The following NELL2 variants were observed in gnomAD, a reference collection of about 807,000 sequenced individuals.
NELL2 encodes protein kinase C-binding protein NELL2.
In NELL2, 41 loss-of-function variants were observed where a neutral mutation model predicts 109.6. The observed-to-expected ratio is 0.37, with a 90% CI of 0.29 to 0.49. NELL2 has a LOEUF of 0.49. Ranked by LOEUF, NELL2 falls within the 20% of genes least tolerant of loss-of-function variation. The pLI is 0.98. For missense variants in NELL2, 900 were observed against 1,008.3 expected, an observed-to-expected ratio of 0.89 and a Z score of 1.45; for synonymous variants, 355 against 344.7, an observed-to-expected ratio of 1.03 and a Z score of -0.33.
chr12:44,860,951 T>C (rs2658962), intron 2 of NELL2, among the ~76,000 whole-genome samples: 150,419 of 152,268 alleles, frequency 0.99, 74,337 homozygotes, highest in East Asian at 1. Flanking sequence ...AAATCTTAAT[T>C]AATTCAGAAG....
At chr12:44,767,221 TG>T (rs1477792344) in intron 9 of NELL2, among the ~76,000 whole-genome samples, 1 of 152,176 alleles carries the variant, frequency 6.6e-6, no homozygotes, top group Non-Finnish European at 1.5e-5. Flanking sequence ...CAACATTGTT[TG>T]TGGTAAAATA....
intron 15 of NELL2, among the ~76,000 whole-genome samples, chr12:44,578,408 A>T (rs1476393265): frequency 7.3e-6 from 1 of 136,500 alleles, no homozygotes. Flanking sequence ...AAAGAAATTG[A>T]AAGTAAAGTA....
chr12:44,766,702 T>C (rs1043733948), intron 9 of NELL2, among the ~76,000 whole-genome samples: 7 of 152,170 alleles, frequency 4.6e-5, no homozygotes, highest in African/African-American at 1.7e-4. Context: ...CTTACTTATT[T>C]CAAAGCCTTA....
intron 17 of NELL2, chr12:44,523,036 TTA>T (rs1226434781): frequency 4.0e-6 from 2 of 495,498 alleles, no homozygotes; most frequent in Non-Finnish European, 7.3e-6. Flanking sequence ...AAAACTCCAT[TTA>T]TATGAGGCTC....
At chr12:44,621,731 T>C (rs1430071889) in intron 13 of NELL2, among the ~76,000 whole-genome samples, 1 of 152,022 alleles carries the variant, frequency 6.6e-6, no homozygotes, top group Non-Finnish European at 1.5e-5. Flanking sequence ...TAGAACCTCT[T>C]TGAAATAAAA....
chr12:44,712,783 T>A (rs879902644), intron 10 of NELL2, among the ~76,000 whole-genome samples: 1 of 151,944 alleles, frequency 6.6e-6, no homozygotes, highest in Admixed American at 6.6e-5. Context: ...GAAGACTTGG[T>A]GTAACAAAAG....
At chr12:44,590,867 T>C (rs1944718134) in intron 15 of NELL2, among the ~76,000 whole-genome samples, 3 of 151,750 alleles carry the variant, frequency 2.0e-5, no homozygotes, top group African/African-American at 7.3e-5. Context: ...TTGCAAACTA[T>C]TTATCCAAGG....
At chr12:44,861,231 A>G (rs1398497953) in intron 2 of NELL2, among the ~76,000 whole-genome samples, 1 of 152,210 alleles carries the variant, frequency 6.6e-6, no homozygotes, top group Non-Finnish European at 1.5e-5. Flanking sequence ...TCTTGAGGAA[A>G]CGAAATAAAA....
At chr12:44,849,352 C>T (rs542228199) in intron 2 of NELL2, among the ~76,000 whole-genome samples, 13 of 152,124 alleles carry the variant, frequency 8.5e-5, no homozygotes, top group Admixed American at 7.9e-4. Context: ...TAAAAAGATG[C>T]AAATCTCATT....
At chr12:44,906,955 G>T (rs938339206) in intron 1 of NELL2, among the ~76,000 whole-genome samples, 1 of 151,934 alleles carries the variant, frequency 6.6e-6, no homozygotes, top group Non-Finnish European at 1.5e-5. Context: ...CATAATCCCC[G>T]TGTGTCCTGG....
intron 14 of NELL2, among the ~76,000 whole-genome samples, chr12:44,610,242 AAAAAAAAAAAAAC>A (rs1320800174): frequency 1.4e-5 from 1 of 73,138 alleles, no homozygotes; most frequent in Non-Finnish European, 2.6e-5. Flanking sequence ...ACAAGAGAGC[AAAAAAAAAAAAAC>A]AAAAAAAAAA....
intron 13 of NELL2, among the ~76,000 whole-genome samples, chr12:44,630,549 T>A (rs1055604639): frequency 2.6e-5 from 4 of 152,194 alleles, no homozygotes; most frequent in African/African-American, 7.2e-5. Flanking sequence ...GGCCACACTG[T>A]GGATCGAATT....
In NELL2 at chr12:44,508,559, G is replaced by C; in HGVS notation, c.*375C>G. On this transcript the variant is annotated 3_prime_UTR_variant, in exon 20 of 20. Coordinates refer to ENST00000429094, the MANE Select transcript of NELL2 (RefSeq NM_001145108.2). ...CTGACATTTTATTTCTTGCAGTGAGGAACCTAACTGATTCTTGAAGATTCT... is the reference window on the plus strand; with the variant it reads ...CTGACATTTTATTTCTTGCAGTGAGCAACCTAACTGATTCTTGAAGATTCT... The C allele has an allele frequency of 5.8e-6, 1 of 173,472 alleles. No homozygotes were observed. The highest frequency in any genetic ancestry group is 1.2e-5 in the Non-Finnish European group (1 of 82,000). 10.7% of individuals were successfully genotyped at this position (173,472 alleles called of 1,614,324 possible).
At chr12:44,554,186 T>G (rs1943151375) in intron 15 of NELL2, among the ~76,000 whole-genome samples, 1 of 152,172 alleles carries the variant, frequency 6.6e-6, no homozygotes, top group Admixed American at 6.5e-5. Flanking sequence ...ATTGCACATT[T>G]GAAAACTTTG....
chr12:44,779,851 A>T lies in NELL2; in HGVS notation c.507T>A (p.Asn169Lys). ...ASHLILHIDC[N>K]KIYERVVEKP... ...TAAAATGAGGACACTACACTTACTT[A>T]TTGCAGTCAATGTGTAAAATCAAAT... Residue 169 changes from asparagine (N) to lysine (K), a missense_variant and splice_region_variant, in exon 4 of 20, where the codon AAT becomes AAA. Transcript: ENST00000429094. 6.2e-7 allele frequency: 1 copy of T among 1,613,840 alleles called. No homozygotes were observed. Among genetic ancestry groups the T allele is most frequent in the Non-Finnish European group, 8.5e-7 (1 of 1,179,736 alleles).
At chr12:44,528,892 A>G (rs1331303981) in intron 16 of NELL2, among the ~76,000 whole-genome samples, 2 of 152,234 alleles carry the variant, frequency 1.3e-5, no homozygotes, top group African/African-American at 4.8e-5. Flanking sequence ...CATTCCACAT[A>G]AAGTGACAGT....
intron 15 of NELL2, among the ~76,000 whole-genome samples, chr12:44,562,107 A>G (rs1471113099): frequency 6.6e-6 from 1 of 152,228 alleles, no homozygotes; most frequent in Non-Finnish European, 1.5e-5. Context: ...AAAACTGGCT[A>G]GCCATATGCA....
Position 44,590,155 on chromosome 12 carries a change from GCTTA to G in NELL2, c.1663+17010_1663+17013del, listed in dbSNP as rs200330268. 3.5e-3 allele frequency among the ~76,000 whole-genome samples: 536 copies of G among 152,084 alleles called. 2 individuals are homozygous for G. Among genetic ancestry groups the G allele is most frequent in the East Asian group, 0.029 (150 of 5,186 alleles). On this transcript the variant is annotated intron_variant, in intron 15 of 19. Coordinates refer to ENST00000429094, the MANE Select transcript of NELL2 (RefSeq NM_001145108.2). ...GTCATTAATTATAATGCTTATAGTT[GCTTA>G]CTTATAGTTTAATTTTATATCATAT...
At chr12:44,919,049 C>A (rs1011430), upstream of NELL2, among the ~76,000 whole-genome samples, 677 of 152,310 alleles carry the variant, frequency 4.4e-3, 3 homozygotes, top group Middle Eastern at 6.8e-3. Context: ...AATGACTTAA[C>A]CTGACCTTCA....
Sources: allele counts gnomAD v4.1 joint callset (sites outside exome capture counted in the v4.1 genomes callset), GRCh38; gene constraint gnomAD v4.1.1; transcripts MANE v1.5; gene names NCBI Gene and HGNC (gene_info 2026-07-23, HGNC 2026-07-21).